Variants in KIF2C observed in about 807,000 individuals in gnomAD.
The protein encoded by KIF2C is kinesin family member 2C.
A neutral mutation model predicts 97.4 loss-of-function variants in KIF2C; 34 were observed. That is an observed-to-expected ratio of 0.35 (90% CI 0.27 to 0.46). The LOEUF (loss-of-function observed/expected upper bound fraction) is 0.46. Ranked by LOEUF, KIF2C falls within the 20% of genes least tolerant of loss-of-function variation. The probability of loss-of-function intolerance (pLI) is 1.00; values close to 1 mark genes in which losing one functional copy is unlikely to be tolerated. For missense variants in KIF2C, 750 were observed against 907.6 expected (o/e 0.83, Z 2.23); for synonymous variants, 313 against 318.2 (o/e 0.98, Z 0.17).
chr1:44,755,300 C>T (rs906489207), intron 8 of KIF2C, among the ~76,000 whole-genome samples: 5 of 152,072 alleles, frequency 3.3e-5, no homozygotes, highest in African/African-American at 4.8e-5. Flanking sequence ...GAGTCTCGCT[C>T]TGTCGCCCAG....
At chr1:44,750,407 G>T in intron 4 of KIF2C, 35 bp from the exon 5 acceptor site, 1 of 1,387,310 alleles carries the variant, frequency 7.2e-7, no homozygotes. Flanking sequence ...TCGAGATCGT[G>T]CAGCACTGAC....
At chr1:44,743,828 C>T (rs937728134) in intron 2 of KIF2C, among the ~76,000 whole-genome samples, 108 of 152,152 alleles carry the variant, frequency 7.1e-4, no homozygotes, top group African/African-American at 2.3e-3. Flanking sequence ...GCTTGCTTAG[C>T]ATAGTACGTA....
chr1:44,748,707 ATT>A (rs928683142), intron 4 of KIF2C, among the ~76,000 whole-genome samples: 15 of 123,098 alleles, frequency 1.2e-4, no homozygotes, highest in Non-Finnish European at 1.0e-4. Flanking sequence ...CACCTGGCTA[ATT>A]TTTTTTTTTT....
intron 14 of KIF2C, among the ~76,000 whole-genome samples, chr1:44,759,898 G>A (rs1305965282): frequency 2.6e-5 from 4 of 152,082 alleles, no homozygotes; most frequent in African/African-American, 9.7e-5. Context: ...ACAGTGGGGC[G>A]CTACGCAGCT....
Position 44,760,200 on chromosome 1 carries a change from C to A in KIF2C, c.1368-80C>A. 3.0e-6 allele frequency: 4 copies of A among 1,328,322 alleles called. No individual in the cohort carries two copies. Among genetic ancestry groups the A allele is most frequent in the Middle Eastern group, 2.3e-4 (1 of 4,408 alleles). 82.3% of individuals were successfully genotyped at this position (1,328,322 alleles called of 1,614,324 possible). A position where few individuals can be genotyped will look rare whatever the true frequency, so the allele number is the denominator to read the frequency against. On this transcript the variant is annotated intron_variant, in intron 14 of 20. Coordinates refer to ENST00000372224, the MANE Select transcript of KIF2C (RefSeq NM_006845.4). This position sits in a 1 kb window ranked among gnomAD's most constrained non-coding sequence, Gnocchi z 4.2. The stretch of plus-strand genomic sequence containing the variant: ...TTTTCGCCTCCTAACCTGTGTCCCT[C>A]CCTTCCTAGAGAACTTCTGTGGACT...
intron 4 of KIF2C, among the ~76,000 whole-genome samples, chr1:44,748,877 G>C (rs913309200): frequency 3.3e-5 from 5 of 151,260 alleles, no homozygotes. Context: ...ATGGAGTCTC[G>C]CTTTGTTGCC....
Position 44,762,419 on chromosome 1 carries a change from G to A in KIF2C, c.1825G>A (p.Ala609Thr). ...TCAAATGGAAACAGAAGAGATGGAAGCCTGCTCTAACGGGGCGCTGATTCC... is the reference window on the plus strand; with the variant it reads ...TCAAATGGAAACAGAAGAGATGGAAACCTGCTCTAACGGGGCGCTGATTCC... ...LIQMETEEME[A>T]CSNGALIPGN... is the part of the protein sequence containing the mutation. Residue 609 changes from alanine (A) to threonine (T), a missense_variant, in exon 18 of 21, where the codon GCC becomes ACC. Transcript: ENST00000372224. The A allele has an allele frequency of 6.2e-7, 1 of 1,614,204 alleles. No individual in the cohort carries two copies. Among genetic ancestry groups the A allele is most frequent in the Non-Finnish European group, 8.5e-7 (1 of 1,180,032 alleles).
chr1:44,746,273 A>G (rs1050540477), intron 2 of KIF2C: 14 of 692,368 alleles, frequency 2.0e-5, no homozygotes, highest in Non-Finnish European at 2.3e-5. Context: ...CAAATTTAAT[A>G]TGTCTGAACC....
At chr1:44,745,750 G>A (rs576179084) in intron 2 of KIF2C, among the ~76,000 whole-genome samples, 2 of 151,998 alleles carry the variant, frequency 1.3e-5, no homozygotes, top group South Asian at 2.1e-4. Flanking sequence ...GATTACAGAC[G>A]TGAGCCACCA....
chr1:44,746,794 T>C lies in KIF2C; in HGVS notation c.166-590T>C, dbSNP rs760776080. ...TATTAAGGAGTAACTATTTGTTTTA[T>C]AGCTATTCATACTTAGTGGAACTTA... is the stretch of plus-strand genomic sequence containing the variant. On this transcript the variant is annotated intron_variant, in intron 2 of 20. Coordinates refer to ENST00000372224, the MANE Select transcript of KIF2C (RefSeq NM_006845.4). 6.3e-6 allele frequency: 10 copies of C among 1,587,432 alleles called. No homozygotes were observed. The East Asian group carries it at 2.2e-4, about 36-fold the overall frequency.
chr1:44,751,121 C>T (rs1193869150), intron 5 of KIF2C, among the ~76,000 whole-genome samples: 1 of 152,160 alleles, frequency 6.6e-6, no homozygotes, highest in African/African-American at 2.4e-5. Flanking sequence ...GCTCCTAATT[C>T]CCCCAAGGGT....
chr1:44,757,337 G>A (rs894618280), intron 10 of KIF2C, among the ~76,000 whole-genome samples: 4 of 152,090 alleles, frequency 2.6e-5, no homozygotes, highest in Admixed American at 6.6e-5. Context: ...CTGGTTAGTC[G>A]GCCCAGTGAT....
At chr1:44,762,501 C>T (rs756551383) in intron 18 of KIF2C, 44 bp from the exon 19 acceptor site, 20 of 1,607,328 alleles carry the variant, frequency 1.2e-5, no homozygotes, top group Middle Eastern at 1.7e-4. Context: ...CCTGCTGAGG[C>T]GGCACCTGGG....
At chr1:44,766,300 AT>A (rs1650460473) in intron 19 of KIF2C, among the ~76,000 whole-genome samples, 1 of 152,134 alleles carries the variant, frequency 6.6e-6, no homozygotes, top group Admixed American at 6.5e-5. Context: ...TTCATTTGAC[AT>A]AAGAGATGGG....
Position 44,757,958 on chromosome 1 carries a change from C to G in KIF2C, c.1119C>G (p.Ile373Met). 1 of 1,614,212 alleles carries G rather than the reference C, an allele frequency of 6.2e-7. No individual in the cohort carries two copies. Among genetic ancestry groups the G allele is most frequent in the Non-Finnish European group, 8.5e-7 (1 of 1,180,032 alleles). The change falls in exon 12 of 21, where the codon ATC (isoleucine) becomes ATG (methionine). Residue 373 changes from isoleucine (I) to methionine (M), a missense_variant. Physicochemically the swap from Ile to Met is conservative, Grantham distance 10. Coordinates refer to ENST00000372224, the MANE Select transcript of KIF2C (RefSeq NM_006845.4). ...SGKAQNASKG[I>M]YAMASRDVFL... ...AAGCCCAGAATGCATCCAAAGGGAT[C>G]TATGCCATGGCCTGTAAGTACTGTG...
chr1:44,756,080 G>T lies in KIF2C; in HGVS notation c.820G>T (p.Ala274Ser), dbSNP rs1227509540. Residue 274 changes from alanine to serine, a missense_variant, in exon 10 of 21, where the codon GCC becomes TCC. Coordinates refer to ENST00000372224, the MANE Select transcript of KIF2C (RefSeq NM_006845.4). ...GAAATACTCTCCTTCTGCAGAATTGGCCAAGAAAGAAATTGATGTGATTTC... is the reference window on the plus strand; with the variant it reads ...GAAATACTCTCCTTCTGCAGAATTGTCCAAGAAAGAAATTGATGTGATTTC... ...RKRPLNKQELAKKEIDVISIP... is the reference protein window; with the variant it reads ...RKRPLNKQELSKKEIDVISIP... The T allele has an allele frequency of 6.2e-7, 1 of 1,614,130 alleles. No homozygotes were observed. Among genetic ancestry groups the T allele is most frequent in the Non-Finnish European group, 8.5e-7 (1 of 1,180,008 alleles).
In KIF2C at chr1:44,760,255, A is replaced by G. The variant is rs747871910; in HGVS notation, c.1368-25A>G. 3 of 1,609,296 alleles carry G rather than the reference A, an allele frequency of 1.9e-6. No individual in the cohort carries two copies. The highest frequency in any genetic ancestry group is 2.6e-6 in the Non-Finnish European group (3 of 1,176,226). On this transcript the variant is annotated intron_variant, in intron 14 of 20. Transcript: ENST00000372224. The surrounding 1 kb of genome is among the most constrained non-coding windows in gnomAD (Gnocchi z 4.2). ...TGCCATGGGGGCTGGTGACCACAGA[A>G]TCTCATAACCTTTCTTTACCACAGA...
At chr1:44,756,339 C>T in intron 10 of KIF2C, 102 bp downstream of exon 10, 1 of 1,192,728 alleles carries the variant, frequency 8.4e-7, no homozygotes, top group Non-Finnish European at 1.2e-6. Flanking sequence ...AATTCTGAGG[C>T]TCTTCCTCGC....
intron 16 of KIF2C, among the ~76,000 whole-genome samples, chr1:44,761,451 A>T (rs554148780): frequency 1.7e-4 from 26 of 150,042 alleles, no homozygotes; most frequent in Admixed American, 8.6e-4. Flanking sequence ...ATTAAAAAAT[A>T]AAAAAAATTA....
Sources: gnomAD v4.1 joint callset for allele counts (sites outside exome capture counted in the v4.1 genomes callset) on GRCh38, gnomAD v4.1.1 for gene constraint, Gnocchi (gnomAD v3.1) non-coding constraint, MANE v1.5 for transcripts, NCBI Gene and HGNC (gene_info 2026-07-23, HGNC 2026-07-21) for gene names.